Variants in KLF13 observed in about 807,000 individuals in gnomAD.
KLF13 encodes Krueppel-like factor 13.
Under a neutral mutation model 16.7 loss-of-function variants are expected in KLF13, and 8 were observed. The observed-to-expected ratio is 0.48, with a 90% CI of 0.28 to 0.87. The LOEUF (loss-of-function observed/expected upper bound fraction) is 0.87, where lower values mean the gene tolerates loss of function less well. KLF13 is among the 40% of genes least tolerant of loss of function. The probability of loss-of-function intolerance (pLI) is 0.10; values close to 1 mark genes in which losing one functional copy is unlikely to be tolerated. For missense variants in KLF13, 447 were observed against 452.2 expected, an observed-to-expected ratio of 0.99 and a Z score of 0.10; for synonymous variants, 245 against 208.4, an observed-to-expected ratio of 1.18 and a Z score of -1.51.
Position 31,348,629 on chromosome 15 carries a change from C to T in KLF13, c.577+20840C>T, listed in dbSNP as rs548128281. 7.2e-5 allele frequency among the ~76,000 whole-genome samples: 11 copies of T among 152,000 alleles called. No homozygotes were observed. The East Asian group carries it at 7.8e-4, about 11-fold the overall frequency. On this transcript the variant is annotated intron_variant, in intron 1 of 1. Coordinates refer to ENST00000307145, the MANE Select transcript of KLF13 (RefSeq NM_015995.4). ...CCACTGATGTCCGCATTTTTTAGACCCTGGGGTCCTGACTGCATCTCAGGC... is the reference window on the plus strand; with the variant it reads ...CCACTGATGTCCGCATTTTTTAGACTCTGGGGTCCTGACTGCATCTCAGGC...
At chr15:31,355,575 G>A (rs2039287312) in intron 1 of KLF13, among the ~76,000 whole-genome samples, 1 of 152,124 alleles carries the variant, frequency 6.6e-6, no homozygotes, top group African/African-American at 2.4e-5. Context: ...GCTCATAGGG[G>A]CTCTTCTTGA....
intron 1 of KLF13, among the ~76,000 whole-genome samples, chr15:31,415,380 T>C (rs4558376): frequency 0.7 from 105,891 of 152,102 alleles, 37,662 homozygotes; most frequent in African/African-American, 0.85. Flanking sequence ...CCAGACCATA[T>C]GCTAAACCAT....
intron 1 of KLF13, among the ~76,000 whole-genome samples, chr15:31,345,839 G>T (rs1418251061): frequency 1.3e-5 from 2 of 152,166 alleles, no homozygotes; most frequent in African/African-American, 4.8e-5. Flanking sequence ...TATTTGCACC[G>T]TCAGTTTACC....
intron 1 of KLF13, among the ~76,000 whole-genome samples, chr15:31,433,782 T>C (rs2040499228): frequency 6.6e-6 from 1 of 152,204 alleles, no homozygotes; most frequent in Non-Finnish European, 1.5e-5. Context: ...TGACACTGAC[T>C]GGCCACTCAG....
chr15:31,417,604 C>T (rs557280209), intron 1 of KLF13, among the ~76,000 whole-genome samples: 53 of 151,664 alleles, frequency 3.5e-4, no homozygotes, highest in African/African-American at 7.5e-4. Flanking sequence ...TGCAATGGTG[C>T]GATCTCGGCT....
chr15:31,370,373 AG>A (rs1320115269), intron 1 of KLF13, among the ~76,000 whole-genome samples: 2 of 150,488 alleles, frequency 1.3e-5, no homozygotes, highest in African/African-American at 4.9e-5. Flanking sequence ...TTTATATGAA[AG>A]TTTTATATGC....
At chr15:31,367,537 G>T (rs537489136) in intron 1 of KLF13, among the ~76,000 whole-genome samples, 1 of 152,214 alleles carries the variant, frequency 6.6e-6, no homozygotes, top group Non-Finnish European at 1.5e-5. Context: ...ACACCATGTG[G>T]TCCACCTGTA....
chr15:31,424,272 A>G (rs2040376820), intron 1 of KLF13, among the ~76,000 whole-genome samples: 1 of 152,222 alleles, frequency 6.6e-6, no homozygotes. Flanking sequence ...TACTACAGGT[A>G]AAGAAAACTA....
intron 1 of KLF13, among the ~76,000 whole-genome samples, chr15:31,364,437 C>G (rs1014933935): frequency 2.0e-5 from 3 of 152,220 alleles, no homozygotes; most frequent in African/African-American, 4.8e-5. Context: ...ACCAGAGCGC[C>G]TGGGACAGGG....
chr15:31,431,211 C>G (rs146482594), intron 1 of KLF13, among the ~76,000 whole-genome samples: 1 of 152,250 alleles, frequency 6.6e-6, no homozygotes, highest in African/African-American at 2.4e-5. Context: ...GAGCCCTCAC[C>G]GAGAACCCAA....
At chr15:31,364,600 A>G (rs1488764331) in intron 1 of KLF13, among the ~76,000 whole-genome samples, 1 of 152,262 alleles carries the variant, frequency 6.6e-6, no homozygotes, top group Non-Finnish European at 1.5e-5. Flanking sequence ...TAACCCTCAC[A>G]GTGACTGAGA....
At chr15:31,359,935 C>G (rs769043382) in intron 1 of KLF13, among the ~76,000 whole-genome samples, 1 of 152,190 alleles carries the variant, frequency 6.6e-6, no homozygotes, top group Admixed American at 6.5e-5. Flanking sequence ...ATGTTGTGGT[C>G]TTGGGGGAGG....
intron 1 of KLF13, among the ~76,000 whole-genome samples, chr15:31,384,876 G>A (rs2039775456): frequency 6.6e-6 from 1 of 152,152 alleles, no homozygotes. Flanking sequence ...TGCTACTCAT[G>A]CATCCATACC....
At chr15:31,356,421 G>A (rs1302549867) in intron 1 of KLF13, among the ~76,000 whole-genome samples, 1 of 152,298 alleles carries the variant, frequency 6.6e-6, no homozygotes, top group Non-Finnish European at 1.5e-5. Flanking sequence ...GCGTGGTGGC[G>A]GGCGCCTGTA....
chr15:31,394,550 T>C (rs1410268853), intron 2 of KLF13, among the ~76,000 whole-genome samples: 1 of 151,906 alleles, frequency 6.6e-6, no homozygotes, highest in East Asian at 1.9e-4. Flanking sequence ...GGGTGTGTAT[T>C]TTATATAGAT....
At chr15:31,343,340 T>G (rs999680102) in intron 1 of KLF13, among the ~76,000 whole-genome samples, 4 of 152,208 alleles carry the variant, frequency 2.6e-5, no homozygotes, top group African/African-American at 9.6e-5. Flanking sequence ...CCCCCAGCCG[T>G]AAGGCGGGAT....
In KLF13 at chr15:31,393,740, G is replaced by A. The variant is rs2039910159; in HGVS notation, n.529+49G>A. 3 of 152,264 alleles carry A rather than the reference G, an allele frequency of 2.0e-5. No homozygotes were observed. In the South Asian group the frequency reaches 6.2e-4, roughly 31 times the overall value. The allele number at this position is 152,264 out of a possible 1,614,324, so 9.4% of individuals were successfully genotyped here. On this transcript the variant is annotated intron_variant and non_coding_transcript_variant, in intron 2 of 2. Transcript: ENST00000500533. ...TCCCACTGAGATCATGTTCATTATG[G>A]CCCAGGCATCGTTCTGAGTGCTGGA...
chr15:31,416,769 C>T (rs1364755328), intron 1 of KLF13, among the ~76,000 whole-genome samples: 3 of 152,130 alleles, frequency 2.0e-5, no homozygotes, highest in Non-Finnish European at 2.9e-5. Flanking sequence ...CAAATAGCAT[C>T]ATTGAGATGG....
rs752099819 is a variant in KLF13 at position 31,372,215 on chromosome 15, C to T, written c.783C>T (p.Gly261=). ...ACCCGGGAATGCTGCAGCGGCGCGG[C>T]GGGGGCTCGCGGACCGGCTCCCTCA... ...NFHPGMLQRR[G]GGSRTGSLSD... Residue 261 remains glycine (G), a synonymous_variant, in exon 2 of 2, where the codon GGC becomes GGT. Transcript: ENST00000307145. 18 of 1,599,248 alleles carry T rather than the reference C, an allele frequency of 1.1e-5. No individual in the cohort carries two copies. The highest frequency in any genetic ancestry group is 1.7e-5 in the Admixed American group (1 of 59,220).
Sources: gnomAD v4.1 joint callset for allele counts (sites outside exome capture counted in the v4.1 genomes callset) on GRCh38, gnomAD v4.1.1 for gene constraint, MANE v1.5 for transcripts, NCBI Gene and HGNC (gene_info 2026-07-23, HGNC 2026-07-21) for gene names.